Variants in CIMIP2B observed in about 807,000 individuals in gnomAD.
The protein encoded by CIMIP2B is ciliary microtubule inner protein 2B.
the CIMIP2B span, chr9:35,562,548 G>A: frequency 1.8e-5 from 28 of 1,585,792 alleles, no homozygotes; most frequent in South Asian, 1.5e-4. Context: ...AAGAGGAAGC[G>A]GGCGCAGGGC....
At chr9:35,563,051 C>T in the CIMIP2B span, 2 of 1,613,872 alleles carry the variant, frequency 1.2e-6, no homozygotes, top group East Asian at 2.2e-5. Flanking sequence ...CAGTTCTTGG[C>T]AAAGATGAAC....
the CIMIP2B span, chr9:35,562,941 T>C: frequency 6.2e-7 from 1 of 1,614,032 alleles, no homozygotes; most frequent in Non-Finnish European, 8.5e-7. Context: ...GGTCCTTCTC[T>C]GTGTCCTTTC....
At chr9:35,563,365 AAGT>A in the CIMIP2B span, 1 of 1,613,268 alleles carries the variant, frequency 6.2e-7, no homozygotes, top group South Asian at 1.1e-5. Flanking sequence ...CGCTGAACCG[AAGT>A]AGTGGGCAGT....
the CIMIP2B span, chr9:35,562,857 C>T: frequency 1.9e-6 from 3 of 1,613,930 alleles, no homozygotes; most frequent in Middle Eastern, 1.7e-4. Context: ...GCACTCCCCA[C>T]CAGCTTCTTG....
At chr9:35,561,927 ACCCTC>A in the CIMIP2B span, 1 of 192,554 alleles carries the variant, frequency 5.2e-6, no homozygotes. Context: ...CCACCCTCCC[ACCCTC>A]CCACCCACCT....
the CIMIP2B span, chr9:35,561,861 A>G: frequency 1.5e-6 from 1 of 662,996 alleles, no homozygotes; most frequent in Non-Finnish European, 2.7e-6. Context: ...TTTATTTATT[A>G]TACCTATTAA....
the CIMIP2B span, chr9:35,561,928 C>T: frequency 2.4e-6 from 1 of 411,010 alleles, no homozygotes; most frequent in Non-Finnish European, 4.7e-6. Context: ...CACCCTCCCA[C>T]CCTCCCACCC....
chr9:35,561,915 CCCCACCCTCCCACCCT>C, the CIMIP2B span: 6 of 377,402 alleles, frequency 1.6e-5, no homozygotes, highest in East Asian at 7.0e-5. Flanking sequence ...CTTTGTGTTC[CCCCACCCTCCCACCCT>C]CCCACCCACC....
the CIMIP2B span, chr9:35,563,466 G>A: frequency 8.6e-7 from 1 of 1,156,720 alleles, no homozygotes; most frequent in Non-Finnish European, 1.3e-6. Context: ...GACCTCTGAA[G>A]CCCTGATCTT....
At chr9:35,563,091 A>AG in the CIMIP2B span, 1 of 1,613,742 alleles carries the variant, frequency 6.2e-7, no homozygotes, top group African/African-American at 1.3e-5. Context: ...CTGGGCAGGC[A>AG]GGGACAAGGA....
the CIMIP2B span, chr9:35,562,418 T>G: frequency 6.5e-7 from 1 of 1,538,124 alleles, no homozygotes. Flanking sequence ...AAGACCCAGG[T>G]TCTGAGGGTA....
the CIMIP2B span, chr9:35,561,934 C>CCAAAA: frequency 8.0e-6 from 4 of 498,770 alleles, no homozygotes; most frequent in Non-Finnish European, 1.1e-5. Context: ...CCCACCCTCC[C>CCAAAA]ACCCACCTCT....
the CIMIP2B span, chr9:35,562,878 T>C: frequency 1.9e-6 from 3 of 1,613,934 alleles, no homozygotes; most frequent in Non-Finnish European, 2.5e-6. Flanking sequence ...GTCTCACTTG[T>C]TCCACCACCT....
chr9:35,562,783 G>A, the CIMIP2B span: 1 of 1,608,480 alleles, frequency 6.2e-7, no homozygotes, highest in Non-Finnish European at 8.5e-7. Flanking sequence ...TGAACCCACA[G>A]CCACACTACT....
the CIMIP2B span, chr9:35,562,829 C>G: frequency 6.2e-7 from 1 of 1,612,538 alleles, no homozygotes; most frequent in Non-Finnish European, 8.5e-7. Context: ...ACAGTAAGAC[C>G]CCCACTCCCA....
chr9:35,562,284 T>G, the CIMIP2B span: 6 of 1,124,760 alleles, frequency 5.3e-6, no homozygotes, highest in South Asian at 1.0e-4. Flanking sequence ...CCCTCCCATA[T>G]CTATTAGTTT....
At chr9:35,562,009 A>G in the CIMIP2B span, 1 of 1,456,498 alleles carries the variant, frequency 6.9e-7, no homozygotes, top group Non-Finnish European at 9.1e-7. Flanking sequence ...CCAGTGGCCT[A>G]AGCCAAGAGC....
At chr9:35,562,920 C>T in the CIMIP2B span, 3 of 1,614,062 alleles carry the variant, frequency 1.9e-6, no homozygotes, top group South Asian at 2.2e-5. Flanking sequence ...GCCCCTCCGG[C>T]TCTGGCACCT....
At chr9:35,562,269 C>T in the CIMIP2B span, 2 of 1,085,266 alleles carry the variant, frequency 1.8e-6, no homozygotes, top group African/African-American at 3.2e-5. Context: ...ACCACATGAT[C>T]TGAGCCCTCC....
Sources: gnomAD v4.1 joint callset for allele counts on GRCh38, gnomAD v4.1.1 for gene constraint, MANE v1.5 for transcripts, NCBI Gene and HGNC (gene_info 2026-07-23, HGNC 2026-07-21) for gene names.